The following TLL2 variants were observed in gnomAD, a reference collection of about 807,000 sequenced individuals.
TLL2 encodes tolloid like 2, also known as tolloid-like protein 2.
A neutral mutation model predicts 123.0 loss-of-function variants in TLL2; 106 were observed. The ratio of observed to expected loss-of-function variants is 0.86; its 90% CI spans 0.74 to 1.01. TLL2 has a LOEUF of 1.01. Among genes scored for constraint, TLL2 ranks in the 50% least tolerant of loss-of-function variants. The pLI, the probability that TLL2 is intolerant of heterozygous loss-of-function variation, is 0.00. For missense variants in TLL2, 1,332 were observed against 1,336.7 expected, an observed-to-expected ratio of 1.00 and a Z score of 0.06; for synonymous variants, 494 against 516.8, an observed-to-expected ratio of 0.96 and a Z score of 0.60.
At position 96,367,275 on chromosome 10, in the gene TLL2, T is replaced by C. The variant is rs775357580; in HGVS notation, c.*813A>G. On this transcript the variant is annotated 3_prime_UTR_variant, in exon 21 of 21. Transcript: ENST00000357947. Reference sequence around the variant, plus strand: ...AAATGTTCTTTGAAGCCCATGGAATTCCAAGCACAGGTGGAGTCTTCTCAA... The same window carrying C: ...AAATGTTCTTTGAAGCCCATGGAATCCCAAGCACAGGTGGAGTCTTCTCAA... The C allele has an allele frequency of 2.0e-5, 3 of 152,164 alleles. No individual in the cohort carries two copies. Among genetic ancestry groups the C allele is most frequent in the Non-Finnish European group, 4.4e-5 (3 of 68,038 alleles). 9.4% of individuals were successfully genotyped at this position (152,164 alleles called of 1,614,324 possible).
At chr10:96,493,228 A>G (rs1847434038) in intron 1 of TLL2, among the ~76,000 whole-genome samples, 2 of 152,164 alleles carry the variant, frequency 1.3e-5, no homozygotes, top group Admixed American at 6.5e-5. Flanking sequence ...GCCCCCTCTC[A>G]ATTCTAACTC....
intron 3 of TLL2, among the ~76,000 whole-genome samples, chr10:96,435,986 A>G (rs1846791719): frequency 1.3e-5 from 2 of 152,150 alleles, no homozygotes; most frequent in Non-Finnish European, 2.9e-5. Context: ...TATGGGTTTT[A>G]ATTTCTAAAC....
chr10:96,432,772 C>T (rs773226418), intron 4 of TLL2, 35 bp downstream of exon 4: 1 of 1,602,126 alleles, frequency 6.2e-7, no homozygotes, highest in Middle Eastern at 1.7e-4. Context: ...ACAAAGCACC[C>T]TGACCCAAAG....
At chr10:96,382,850 A>AGAT (rs1199617656) in intron 16 of TLL2, among the ~76,000 whole-genome samples, 1 of 152,212 alleles carries the variant, frequency 6.6e-6, no homozygotes, top group African/African-American at 2.4e-5. Context: ...AAATGGACTA[A>AGAT]GATAGAGGAA....
intron 10 of TLL2, 110 bp downstream of exon 10, chr10:96,405,122 G>T: frequency 1.1e-6 from 1 of 945,198 alleles, no homozygotes; most frequent in Non-Finnish European, 1.7e-6. Flanking sequence ...AATGACAGAG[G>T]CCCTTGAGAG....
chr10:96,461,661 T>C (rs1442390566), intron 2 of TLL2, among the ~76,000 whole-genome samples: 1 of 152,216 alleles, frequency 6.6e-6, no homozygotes, highest in Non-Finnish European at 1.5e-5. Context: ...ACTGCAACCC[T>C]GATGAAAATC....
chr10:96,504,901 G>A (rs1295479743), intron 1 of TLL2, among the ~76,000 whole-genome samples: 2 of 152,106 alleles, frequency 1.3e-5, no homozygotes, highest in East Asian at 1.9e-4. Flanking sequence ...CCAGCTACTC[G>A]GGAGGCTGAG....
chr10:96,406,659 T>C (rs1000308447), intron 9 of TLL2, among the ~76,000 whole-genome samples: 1 of 152,128 alleles, frequency 6.6e-6, no homozygotes, highest in Non-Finnish European at 1.5e-5. Context: ...CCATGACCCC[T>C]CTGCCCAGAG....
chr10:96,463,402 C>T (rs1043751848), intron 2 of TLL2, among the ~76,000 whole-genome samples: 12 of 152,148 alleles, frequency 7.9e-5, no homozygotes, highest in Admixed American at 2.0e-4. Context: ...AGTCAGGTAT[C>T]GGGAAGGACC....
intron 10 of TLL2, among the ~76,000 whole-genome samples, chr10:96,403,161 C>T (rs778866659): frequency 2.6e-5 from 4 of 152,154 alleles, no homozygotes; most frequent in Non-Finnish European, 4.4e-5. Context: ...ACCAGCTCCA[C>T]CACGGCTGCC....
At chr10:96,441,170 G>A (rs893887812) in intron 3 of TLL2, among the ~76,000 whole-genome samples, 2 of 152,210 alleles carry the variant, frequency 1.3e-5, no homozygotes, top group Non-Finnish European at 2.9e-5. Context: ...AACAGAACCA[G>A]GCCTGAGGCA....
intron 11 of TLL2, 30 bp from the exon 12 acceptor site, chr10:96,396,050 C>CG (rs1564898050): frequency 1.2e-6 from 2 of 1,611,646 alleles, no homozygotes; most frequent in Middle Eastern, 1.7e-4. Context: ...GAGAGGAAGA[C>CG]GGGGGCCCTG....
chr10:96,485,563 GA>G (rs1011258296), intron 1 of TLL2, among the ~76,000 whole-genome samples: 1 of 152,198 alleles, frequency 6.6e-6, no homozygotes, highest in African/African-American at 2.4e-5. Flanking sequence ...AGTCATTAGG[GA>G]AATGCAAATC....
At chr10:96,472,221 A>G (rs1401902856) in intron 2 of TLL2, among the ~76,000 whole-genome samples, 1 of 152,182 alleles carries the variant, frequency 6.6e-6, no homozygotes, top group Non-Finnish European at 1.5e-5. Flanking sequence ...CTTGAATCCA[A>G]TGAACTGGCC....
chr10:96,461,345 G>A (rs369741637), intron 2 of TLL2, among the ~76,000 whole-genome samples: 6 of 152,034 alleles, frequency 3.9e-5, no homozygotes, highest in South Asian at 2.1e-4. Flanking sequence ...GTGGGCATCC[G>A]GAGGCTGCCC....
chr10:96,472,049 AC>A (rs1004558627), intron 2 of TLL2, among the ~76,000 whole-genome samples: 2 of 151,996 alleles, frequency 1.3e-5, no homozygotes, highest in African/African-American at 2.4e-5. Context: ...CCCCCTCCTC[AC>A]CTAGCTTTGG....
chr10:96,384,486 G>T, intron 16 of TLL2, 101 bp downstream of exon 16: 1 of 1,273,118 alleles, frequency 7.9e-7, no homozygotes, highest in Non-Finnish European at 1.1e-6. Context: ...GGATGCAGGA[G>T]CAAGCAAAGA....
chr10:96,430,352 A>G (rs891761112), intron 4 of TLL2, among the ~76,000 whole-genome samples: 3 of 152,178 alleles, frequency 2.0e-5, no homozygotes, highest in Non-Finnish European at 4.4e-5. Context: ...CATGATTGCA[A>G]GCTTCCTGAG....
intron 1 of TLL2, among the ~76,000 whole-genome samples, chr10:96,494,209 T>G (rs576012130): frequency 6.6e-6 from 1 of 152,192 alleles, no homozygotes; most frequent in Admixed American, 6.5e-5. Flanking sequence ...AAGAGTCTGG[T>G]GGGGGGATTT....
Sources: gnomAD v4.1 joint callset for allele counts (sites outside exome capture counted in the v4.1 genomes callset) on GRCh38, gnomAD v4.1.1 for gene constraint, MANE v1.5 for transcripts, NCBI Gene and HGNC (gene_info 2026-07-23, HGNC 2026-07-21) for gene names.